Variants in CFAP74 observed in about 807,000 individuals in gnomAD.
CFAP74 encodes cilia and flagella associated protein 74, also known as cilia- and flagella-associated protein 74.
CFAP74 carries 124 observed loss-of-function variants against 188.9 expected under a neutral mutation model. The observed-to-expected ratio is 0.66, with a 90% CI of 0.57 to 0.76. CFAP74 has a LOEUF of 0.76. CFAP74 is among the 30% of genes least tolerant of loss of function. The pLI, the probability that CFAP74 is intolerant of heterozygous loss-of-function variation, is 0.00. For missense variants in CFAP74, 2,198 were observed against 2,165.2 expected (o/e 1.02, Z -0.30); for synonymous variants, 956 against 916.7 (o/e 1.04, Z -0.77).
chr1:1,976,061 CCTGT>C (rs774774807), intron 6 of CFAP74, among the ~76,000 whole-genome samples: 3 of 152,364 alleles, frequency 2.0e-5, no homozygotes, highest in South Asian at 2.1e-4. Context: ...AAAGGCAGTG[CCTGT>C]CTGTGTCCTC....
At chr1:2,003,062 A>G (rs557923786) in intron 1 of CFAP74, among the ~76,000 whole-genome samples, 20 of 152,030 alleles carry the variant, frequency 1.3e-4, no homozygotes, top group Non-Finnish European at 2.6e-4. Context: ...TGTGAGTGGC[A>G]TGGGGGAGAG....
chr1:1,925,305 C>T (rs1651791389), intron 33 of CFAP74, among the ~76,000 whole-genome samples: 1 of 150,500 alleles, frequency 6.6e-6, no homozygotes, highest in Non-Finnish European at 1.5e-5. Flanking sequence ...CATGAGGGCA[C>T]ACGCTGGTGT....
At position 1,923,594 on chromosome 1, in the gene CFAP74, C is replaced by T. The variant is rs1182208686; in HGVS notation, c.4390-95G>A. ...GCTGGCTCAGGGAAGGAAGCAGGGA[C>T]GGCCTGGGGGCCCCGTGGGGCCCTG... On this transcript the variant is annotated intron_variant, in intron 35 of 38. Transcript: ENST00000682832. This position sits in a 1 kb window ranked among gnomAD's most constrained non-coding sequence, Gnocchi z 6.3. The T allele has an allele frequency of 3.7e-5, 57 of 1,545,852 alleles. No individual in the cohort carries two copies. Among genetic ancestry groups the T allele is most frequent in the Middle Eastern group, 1.9e-4 (1 of 5,166 alleles).
intron 14 of CFAP74, among the ~76,000 whole-genome samples, chr1:1,963,133 T>C (rs1655206966): frequency 6.6e-6 from 1 of 151,878 alleles, no homozygotes; most frequent in South Asian, 2.1e-4. Context: ...ATCAGAATGG[T>C]CAACATCAAA....
Position 1,973,079 on chromosome 1 carries a change from T to A in CFAP74, c.675-32A>T, listed in dbSNP as rs894703409. 6.6e-7 allele frequency: 1 copy of A among 1,520,238 alleles called. No individual in the cohort carries two copies. The highest frequency in any genetic ancestry group is 9.1e-7 in the Non-Finnish European group (1 of 1,099,844). 94.2% of individuals were successfully genotyped at this position (1,520,238 alleles called of 1,614,324 possible). On this transcript the variant is annotated intron_variant, in intron 7 of 38. Transcript: ENST00000682832. This position sits in a 1 kb window ranked among gnomAD's most constrained non-coding sequence, Gnocchi z 6.2. The stretch of plus-strand genomic sequence containing the variant: ...GGATATGGGGCCGTCAGAGGGAAAC[T>A]CGGCATCACACGTCCCATCTGCCCC...
Position 1,948,845 on chromosome 1 carries a change from C to T in CFAP74, c.2177-1791G>A, listed in dbSNP as rs78110450. On this transcript the variant is annotated intron_variant, in intron 18 of 38. Coordinates refer to ENST00000682832, the MANE Select transcript of CFAP74 (RefSeq NM_001304360.2). ...TTTGATATTTGATGCCTGATAATAC[C>T]CATGTCTGAACCATGCAAGATTGCT... is the stretch of plus-strand genomic sequence containing the variant. 2.7e-3 allele frequency among the ~76,000 whole-genome samples: 396 copies of T among 148,720 alleles called. 14 individuals carry two copies. The East Asian group carries it at 0.065, about 25-fold the overall frequency.
chr1:1,928,688 CGTGG>C (rs1652113805), intron 27 of CFAP74, 92 bp downstream of exon 27: 3 of 867,492 alleles, frequency 3.5e-6, no homozygotes, highest in Non-Finnish European at 5.4e-6. Context: ...GCTCCCGGCA[CGTGG>C]CCGGAGCCCC....
chr1:1,926,323 T>G lies in CFAP74; in HGVS notation c.3853A>C (p.Asn1285His). 1 of 1,547,856 alleles carries G rather than the reference T, an allele frequency of 6.5e-7. No individual in the cohort carries two copies. Among genetic ancestry groups the G allele is most frequent in the Non-Finnish European group, 8.7e-7 (1 of 1,145,530 alleles). Residue 1285 changes from asparagine to histidine, a missense_variant, in exon 32 of 39, where the codon AAC (asparagine) becomes CAC (histidine). Physicochemically the swap from Asn to His is moderately conservative, Grantham distance 68. Transcript: ENST00000682832. ...TGGTTCAGCAGGACAAAGGGGCCGT[T>G]GGGGTTCAGCAGGGAGAAGTCCAGC... Reference protein sequence around the residue: ...LALDFSLLNPNGPFVLLNHSS... With the variant: ...LALDFSLLNPHGPFVLLNHSS...
chr1:1,980,656 T>C (rs542364483), intron 6 of CFAP74, among the ~76,000 whole-genome samples: 164 of 152,330 alleles, frequency 1.1e-3, no homozygotes, highest in South Asian at 1.2e-3. Context: ...TGCCAGCCCA[T>C]GGCCCCTTGC....
intron 21 of CFAP74, among the ~76,000 whole-genome samples, chr1:1,944,126 G>A (rs994116440): frequency 1.7e-4 from 26 of 152,204 alleles, no homozygotes; most frequent in African/African-American, 4.8e-4. Flanking sequence ...GGCCTGGACA[G>A]CAGCCGTGGC....
rs1326283572 is a variant in CFAP74 at position 1,979,886 on chromosome 1, C to T, written c.500+5500G>A. ...ACGAAGCTGCGCAGAACACACGTGT[C>T]GTGCTGAGCTGGGCATGGGAAGGTG... is the stretch of plus-strand genomic sequence containing the variant. On this transcript the variant is annotated intron_variant, in intron 6 of 38. Coordinates refer to ENST00000682832, the MANE Select transcript of CFAP74 (RefSeq NM_001304360.2). 3.5e-5 allele frequency among the ~76,000 whole-genome samples: 4 copies of T among 114,238 alleles called. 1 individual carries two copies. Among genetic ancestry groups the T allele is most frequent in the African/African-American group, 1.0e-4 (3 of 29,998 alleles). The allele number at this position is 114,238 out of a possible 152,430, so 74.9% of individuals were successfully genotyped here.
chr1:1,987,866 G>A, intron 4 of CFAP74: 1 of 341,442 alleles, frequency 2.9e-6, no homozygotes, highest in Non-Finnish European at 5.8e-6. Context: ...AAACACACGG[G>A]CGCTGCCGGA....
At chr1:1,943,449 T>C (rs1293189965) in intron 21 of CFAP74, among the ~76,000 whole-genome samples, 1 of 152,226 alleles carries the variant, frequency 6.6e-6, no homozygotes, top group Non-Finnish European at 1.5e-5. Context: ...GAGGTGGCTG[T>C]GCCTGGGGCC....
chr1:1,933,764 C>T (rs904524217), intron 25 of CFAP74, among the ~76,000 whole-genome samples: 1 of 152,152 alleles, frequency 6.6e-6, no homozygotes, highest in Non-Finnish European at 1.5e-5. Context: ...TTGAATATTG[C>T]ATTTCTATTT....
intron 4 of CFAP74, 141 bp from the exon 5 acceptor site, chr1:1,987,176 A>C (rs1570982171): frequency 9.8e-6 from 6 of 614,730 alleles, no homozygotes; most frequent in East Asian, 2.9e-5. Context: ...TCTCTCTAAC[A>C]CCTTCAAGCC....
intron 9 of CFAP74, among the ~76,000 whole-genome samples, 169 bp from the exon 10 acceptor site, chr1:1,970,985 C>T (rs375192193): frequency 2.4e-4 from 36 of 150,240 alleles, no homozygotes; most frequent in African/African-American, 6.2e-4. Flanking sequence ...CCTGCACACA[C>T]GTGCACACAC....
Position 1,975,357 on chromosome 1 carries a change from C to T in CFAP74, c.501-1159G>A, listed in dbSNP as rs868026660. 6.6e-6 allele frequency among the ~76,000 whole-genome samples: 1 copy of T among 152,142 alleles called. No homozygotes were observed. Among genetic ancestry groups the T allele is most frequent in the Non-Finnish European group, 1.5e-5 (1 of 68,038 alleles). On this transcript the variant is annotated intron_variant, in intron 6 of 38. Coordinates refer to ENST00000682832, the MANE Select transcript of CFAP74 (RefSeq NM_001304360.2). The surrounding 1 kb of genome is among the most constrained non-coding windows in gnomAD (Gnocchi z 4.5). ...AATGTCAAGGATTTCTAACGTTGAG[C>T]CTTTTTCGGGGCTCCTAGGATATAA...
chr1:1,982,151 G>A (rs1431952257), intron 6 of CFAP74, among the ~76,000 whole-genome samples: 5 of 149,890 alleles, frequency 3.3e-5, no homozygotes, highest in African/African-American at 7.4e-5. Flanking sequence ...GGACAGACAC[G>A]GGGACACACA....
At chr1:1,951,310 G>C (rs1654187877) in intron 18 of CFAP74, among the ~76,000 whole-genome samples, 1 of 152,134 alleles carries the variant, frequency 6.6e-6, no homozygotes, top group Non-Finnish European at 1.5e-5. Context: ...TCCACACGTG[G>C]GGATTACAAT....
Sources: gnomAD v4.1 joint callset for allele counts (sites outside exome capture counted in the v4.1 genomes callset) on GRCh38, gnomAD v4.1.1 for gene constraint, Gnocchi (gnomAD v3.1) non-coding constraint, MANE v1.5 for transcripts, NCBI Gene and HGNC (gene_info 2026-07-23, HGNC 2026-07-21) for gene names.